The following MTUS2 variants were observed in gnomAD, a reference collection of about 807,000 sequenced individuals.
The protein encoded by MTUS2 is microtubule-associated tumor suppressor candidate 2.
MTUS2 carries 40 observed loss-of-function variants against 114.1 expected under a neutral mutation model. That is an observed-to-expected ratio of 0.35 (90% CI 0.27 to 0.46). The LOEUF is 0.46. Ranked by LOEUF, MTUS2 falls within the 20% of genes least tolerant of loss-of-function variation. The pLI is 1.00. For missense variants in MTUS2, 1,679 were observed against 1,705.4 expected (o/e 0.98, Z 0.27); for synonymous variants, 688 against 672.0 (o/e 1.02, Z -0.37).
intron 5 of MTUS2, among the ~76,000 whole-genome samples, chr13:29,179,099 C>G (rs761396166): frequency 6.6e-6 from 1 of 152,146 alleles, no homozygotes; most frequent in Non-Finnish European, 1.5e-5. Context: ...TTATTTGTGT[C>G]CATTGTTTTA....
At chr13:28,875,346 G>A (rs1254798630) in intron 2 of MTUS2, among the ~76,000 whole-genome samples, 1 of 152,230 alleles carries the variant, frequency 6.6e-6, no homozygotes, top group African/African-American at 2.4e-5. Context: ...CAGTAAAAAT[G>A]TGTTAAATGA....
chr13:29,049,875 C>T (rs1478847246), intron 4 of MTUS2, among the ~76,000 whole-genome samples: 1 of 152,226 alleles, frequency 6.6e-6, no homozygotes, highest in Non-Finnish European at 1.5e-5. Flanking sequence ...ACAAGCAGCT[C>T]CGCAGCTGCC....
At chr13:29,391,642 T>TG (rs1491218247) in intron 8 of MTUS2, among the ~76,000 whole-genome samples, 1 of 44,400 alleles carries the variant, frequency 2.3e-5, no homozygotes, top group East Asian at 1.2e-3. Context: ...TTTTTTAAAA[T>TG]GTTTTTTTTT....
At chr13:29,474,285 G>T (rs1282713584) in intron 9 of MTUS2, among the ~76,000 whole-genome samples, 1 of 152,168 alleles carries the variant, frequency 6.6e-6, no homozygotes, top group Non-Finnish European at 1.5e-5. Context: ...TCATTTCTGA[G>T]CCTCTAGTAG....
chr13:28,958,657 G>A (rs1275826119), intron 2 of MTUS2, among the ~76,000 whole-genome samples: 1 of 152,208 alleles, frequency 6.6e-6, no homozygotes, highest in South Asian at 2.1e-4. Flanking sequence ...AGTAGAAAAT[G>A]GAACAGGCAA....
At chr13:29,042,623 T>G (rs1313656524) in intron 4 of MTUS2, among the ~76,000 whole-genome samples, 2 of 152,092 alleles carry the variant, frequency 1.3e-5, no homozygotes, top group African/African-American at 4.8e-5. Flanking sequence ...GCAATTTTTT[T>G]TATTATCATT....
intron 7 of MTUS2, among the ~76,000 whole-genome samples, chr13:29,334,600 G>A (rs550797302): frequency 6.6e-6 from 1 of 152,290 alleles, no homozygotes; most frequent in East Asian, 1.9e-4. Context: ...CCCTTTGTGG[G>A]TAACCTGACT....
At chr13:29,219,861 A>T (rs1895835758) in intron 5 of MTUS2, among the ~76,000 whole-genome samples, 1 of 152,128 alleles carries the variant, frequency 6.6e-6, no homozygotes, top group African/African-American at 2.4e-5. Context: ...GAGAGCTGGG[A>T]TGTTGCTCTG....
chr13:29,201,500 C>A (rs1373601048), intron 5 of MTUS2, among the ~76,000 whole-genome samples: 1 of 152,038 alleles, frequency 6.6e-6, no homozygotes, highest in Non-Finnish European at 1.5e-5. Context: ...GCATTTAGCC[C>A]ATTTACATTT....
chr13:29,446,700 A>C (rs1175554878), intron 9 of MTUS2, among the ~76,000 whole-genome samples: 1 of 152,172 alleles, frequency 6.6e-6, no homozygotes, highest in East Asian at 1.9e-4. Context: ...GTAATGCAAA[A>C]CGTGTTGGAT....
intron 6 of MTUS2, among the ~76,000 whole-genome samples, chr13:29,293,859 A>C (rs988161999): frequency 2.6e-5 from 4 of 152,166 alleles, no homozygotes; most frequent in Non-Finnish European, 5.9e-5. Context: ...AACTGAAATA[A>C]AATAAATCAT....
intron 5 of MTUS2, among the ~76,000 whole-genome samples, chr13:29,115,556 A>T (rs1458072152): frequency 6.6e-6 from 1 of 152,260 alleles, no homozygotes; most frequent in Non-Finnish European, 1.5e-5. Flanking sequence ...TCATCTTGTC[A>T]AAAATCATAA....
chr13:28,827,964 CAG>C lies in MTUS2; in HGVS notation c.-316+7354_-316+7355del, dbSNP rs568858049. On this transcript the variant is annotated intron_variant, in intron 1 of 15. Coordinates refer to ENST00000612955, the MANE Select transcript of MTUS2 (RefSeq NM_001033602.4). ...TCATTGATAACATCTTATCAGGAGA[CAG>C]GGTTTGAGAGCAGACAACTAGTCTG... Among the ~76,000 whole-genome samples the C allele has an allele frequency of 1.2e-4, 19 of 152,226 alleles. No individual in the cohort carries two copies. The East Asian group carries it at 2.7e-3, about 22-fold the overall frequency.
intron 5 of MTUS2, among the ~76,000 whole-genome samples, chr13:29,109,503 G>A (rs1890800496): frequency 6.6e-6 from 1 of 152,182 alleles, no homozygotes; most frequent in Non-Finnish European, 1.5e-5. Flanking sequence ...GTGGTGAAGA[G>A]TACAGACTCT....
intron 10 of MTUS2, among the ~76,000 whole-genome samples, chr13:29,482,848 T>A (rs373542921): frequency 1.3e-5 from 2 of 152,224 alleles, no homozygotes. Flanking sequence ...AGCCTGTGAA[T>A]TATTCAGGCC....
At chr13:29,370,036 T>A (rs921910174) in intron 8 of MTUS2, among the ~76,000 whole-genome samples, 4 of 152,158 alleles carry the variant, frequency 2.6e-5, no homozygotes, top group African/African-American at 9.7e-5. Context: ...ATGTGAATGG[T>A]CTAAACAGCC....
intron 4 of MTUS2, among the ~76,000 whole-genome samples, chr13:29,058,586 A>ATTTTT (rs1888254653): frequency 1.8e-5 from 2 of 112,040 alleles, no homozygotes; most frequent in Non-Finnish European, 3.9e-5. Flanking sequence ...TTTTTTAATT[A>ATTTTT]TTATTTTTTT....
chr13:28,947,162 A>AT (rs1199526265), intron 2 of MTUS2, among the ~76,000 whole-genome samples: 3 of 152,188 alleles, frequency 2.0e-5, no homozygotes, highest in African/African-American at 7.2e-5. Flanking sequence ...GACTGCCTCA[A>AT]TTTGAGCCTT....
intron 4 of MTUS2, among the ~76,000 whole-genome samples, chr13:29,069,224 C>A (rs958560980): frequency 6.6e-6 from 1 of 152,160 alleles, no homozygotes; most frequent in Non-Finnish European, 1.5e-5. Flanking sequence ...GTCCCATGAT[C>A]TGCTGTCTGC....
Sources: allele counts gnomAD v4.1 joint callset (sites outside exome capture counted in the v4.1 genomes callset), GRCh38; gene constraint gnomAD v4.1.1; transcripts MANE v1.5; gene names NCBI Gene and HGNC (gene_info 2026-07-23, HGNC 2026-07-21).